The following TDP1 variants were observed in gnomAD, a reference collection of about 807,000 sequenced individuals.
TDP1 encodes the protein tyr-DNA phosphodiesterase 1.
TDP1 carries 64 observed loss-of-function variants against 81.5 expected under a neutral mutation model. That is an observed-to-expected ratio of 0.79 (90% CI 0.64 to 0.97). The LOEUF (loss-of-function observed/expected upper bound fraction) is 0.97, where lower values mean the gene tolerates loss of function less well. Among genes scored for constraint, TDP1 ranks in the 50% least tolerant of loss-of-function variants. TDP1 has a pLI of 0.00. For missense variants in TDP1, 723 were observed against 743.8 expected, an observed-to-expected ratio of 0.97 and a Z score of 0.33; for synonymous variants, 256 against 264.3, an observed-to-expected ratio of 0.97 and a Z score of 0.30.
In TDP1 at chr14:89,966,201, C is replaced by T; in HGVS notation, c.603+11C>T. 1 of 1,581,636 alleles carries T rather than the reference C, an allele frequency of 6.3e-7. No individual in the cohort carries two copies. Reference sequence around the variant, plus strand: ...GTTTCTTCAGCTCAGGTGAGTATACCTTTAAGCTGTTTTTTCTTTGGGTGA... The same window carrying T: ...GTTTCTTCAGCTCAGGTGAGTATACTTTTAAGCTGTTTTTTCTTTGGGTGA... On this transcript the variant is annotated intron_variant, in intron 4 of 16. Coordinates refer to ENST00000335725, the MANE Select transcript of TDP1 (RefSeq NM_018319.4).
chr14:89,992,171 C>T (rs556266072), intron 13 of TDP1, among the ~76,000 whole-genome samples, 188 bp downstream of exon 13: 2 of 151,616 alleles, frequency 1.3e-5, no homozygotes, highest in South Asian at 4.2e-4. Context: ...GTTTTTAATA[C>T]CAAAGAGGAA....
At chr14:89,983,777 T>C (rs961443194) in intron 8 of TDP1, among the ~76,000 whole-genome samples, 5 of 152,210 alleles carry the variant, frequency 3.3e-5, no homozygotes, top group African/African-American at 1.2e-4. Flanking sequence ...TGTTTTCTAT[T>C]TATGGATATA....
intron 15 of TDP1, among the ~76,000 whole-genome samples, chr14:90,030,350 A>G (rs779054166): frequency 2.0e-5 from 3 of 151,954 alleles, no homozygotes; most frequent in Non-Finnish European, 4.4e-5. Flanking sequence ...CTTCCCTATC[A>G]TCTCTCTGTT....
chr14:89,998,416 A>ATGTATGTATG (rs1241564954), intron 14 of TDP1, among the ~76,000 whole-genome samples: 20 of 85,772 alleles, frequency 2.3e-4, no homozygotes, highest in African/African-American at 9.6e-4. Flanking sequence ...ATATATATAT[A>ATGTATGTATG]TATATATGTA....
intron 15 of TDP1, among the ~76,000 whole-genome samples, chr14:90,022,241 T>C (rs577807735): frequency 6.6e-6 from 1 of 152,296 alleles, no homozygotes; most frequent in South Asian, 2.1e-4. Flanking sequence ...CAGAGGACTT[T>C]GTTGTGCATT....
At chr14:90,037,289 A>T (rs1378131121) in intron 16 of TDP1, among the ~76,000 whole-genome samples, 1 of 152,098 alleles carries the variant, frequency 6.6e-6, no homozygotes, top group Admixed American at 6.5e-5. Flanking sequence ...GCTTATATTC[A>T]CTTTGTTATC....
chr14:90,019,901 A>G (rs1423152088), intron 15 of TDP1, among the ~76,000 whole-genome samples: 1 of 152,156 alleles, frequency 6.6e-6, no homozygotes, highest in African/African-American at 2.4e-5. Flanking sequence ...AGGAATTGGT[A>G]GTAGCACAAA....
chr14:89,965,670 G>A, intron 3 of TDP1: 1 of 491,564 alleles, frequency 2.0e-6, no homozygotes, highest in Non-Finnish European at 2.6e-6. Context: ...AATTGTGAGT[G>A]CCTCTGTCCT....
chr14:89,998,406 ATATATATATATATATATG>A (rs1429957921), intron 14 of TDP1, among the ~76,000 whole-genome samples: 15 of 107,632 alleles, frequency 1.4e-4, no homozygotes, highest in East Asian at 8.4e-4. Context: ...ATATATATAT[ATATATATATATATATATG>A]TATGTATGTA....
intron 16 of TDP1, among the ~76,000 whole-genome samples, chr14:90,039,510 G>A (rs1413766587): frequency 3.3e-5 from 5 of 152,064 alleles, no homozygotes; most frequent in Non-Finnish European, 5.9e-5. Context: ...ATCAGGTTTC[G>A]CATAGAGATG....
At chr14:90,004,667 G>A (rs1030667830) in intron 14 of TDP1, among the ~76,000 whole-genome samples, 2 of 152,198 alleles carry the variant, frequency 1.3e-5, no homozygotes, top group Non-Finnish European at 2.9e-5. Flanking sequence ...GACAAGACAG[G>A]TGTGGTCCCT....
At position 89,984,383 on chromosome 14, in the gene TDP1, T is replaced by C. The variant is rs562485897; in HGVS notation, c.885-133T>C. ...GTGGTGTTCTCAGATTTATGTTTCATGTTTCCTAAGATTACTTACCATGTG... is the reference window on the plus strand; with the variant it reads ...GTGGTGTTCTCAGATTTATGTTTCACGTTTCCTAAGATTACTTACCATGTG... On this transcript the variant is annotated intron_variant, in intron 8 of 16. Transcript: ENST00000335725. 5.9e-5 allele frequency: 93 copies of C among 1,567,206 alleles called. No homozygotes were observed. In the African/African-American group the frequency reaches 8.1e-4, roughly 14 times the overall value.
chr14:90,010,732 C>T (rs373326441), intron 14 of TDP1, among the ~76,000 whole-genome samples: 3 of 152,130 alleles, frequency 2.0e-5, no homozygotes, highest in African/African-American at 7.2e-5. Flanking sequence ...AAACACAATC[C>T]TCCTAAAACT....
intron 4 of TDP1, chr14:89,967,125 A>C: frequency 1.0e-6 from 1 of 985,272 alleles, no homozygotes; most frequent in African/African-American, 1.7e-5. Flanking sequence ...AAACATGCAG[A>C]GATAATTTCC....
intron 15 of TDP1, among the ~76,000 whole-genome samples, chr14:90,020,403 C>T (rs971501054): frequency 1.5e-5 from 2 of 134,826 alleles, no homozygotes; most frequent in Admixed American, 7.6e-5. Context: ...ACTGTGGGCA[C>T]ACACTCAGAA....
In TDP1 at chr14:90,043,790, A is replaced by C. The variant is rs879922390; in HGVS notation, c.*647A>C. 1 of 152,926 alleles carries C rather than the reference A, an allele frequency of 6.5e-6. No homozygotes were observed. The highest frequency in any genetic ancestry group is 2.4e-5 in the African/African-American group (1 of 41,434). The allele number at this position is 152,926 out of a possible 1,614,324, so 9.5% of individuals were successfully genotyped here. ...AAAATTATCCTCACAGTAACATAGA[A>C]TCTCTTGGTGCTGTCAGCTGTTGGG... On this transcript the variant is annotated 3_prime_UTR_variant, in exon 17 of 17. Coordinates refer to ENST00000335725, the MANE Select transcript of TDP1 (RefSeq NM_018319.4).
At chr14:89,982,135 C>T (rs1012298401) in intron 8 of TDP1, among the ~76,000 whole-genome samples, 1 of 152,188 alleles carries the variant, frequency 6.6e-6, no homozygotes, top group Admixed American at 6.5e-5. Flanking sequence ...CCTCCCCACT[C>T]CCTTGCCCCA....
At position 90,019,378 on chromosome 14, in the gene TDP1, G is replaced by A. The variant is rs113531329; in HGVS notation, c.1604G>A (p.Arg535His). ...LEKNGTQLMIRSYELGVLFLP... is the reference protein window; with the variant it reads ...LEKNGTQLMIHSYELGVLFLP... Reference sequence around the variant, plus strand: ...AAGAATGGCACCCAGCTGATGATCCGCTCCTACGAGCTCGGGGTCCTTTTC... The same window carrying A: ...AAGAATGGCACCCAGCTGATGATCCACTCCTACGAGCTCGGGGTCCTTTTC... Residue 535 changes from arginine to histidine, a missense_variant, in exon 15 of 17, where the codon CGC (arginine) becomes CAC (histidine). Physicochemically the swap from Arg to His is conservative, Grantham distance 29. Transcript: ENST00000335725. The A allele has an allele frequency of 9.9e-6, 16 of 1,611,998 alleles. 1 individual carries two copies. The highest frequency in any genetic ancestry group is 9.3e-5 in the African/African-American group (7 of 74,998).
chr14:89,998,377 TATATATATATA>T (rs1896840043), intron 14 of TDP1, among the ~76,000 whole-genome samples: 56 of 5,518 alleles, frequency 0.01, 1 homozygote, highest in African/African-American at 0.018. Context: ...GCACATTATA[TATATATATATA>T]TATATATATA....
Sources: allele counts gnomAD v4.1 joint callset (sites outside exome capture counted in the v4.1 genomes callset), GRCh38; gene constraint gnomAD v4.1.1; transcripts MANE v1.5; gene names NCBI Gene and HGNC (gene_info 2026-07-23, HGNC 2026-07-21).